The following LRRC7 variants were observed in gnomAD, a reference collection of about 807,000 sequenced individuals.
LRRC7 encodes leucine rich repeat containing 7.
A neutral mutation model predicts 175.7 loss-of-function variants in LRRC7; 23 were observed. That is an observed-to-expected ratio of 0.13 (90% CI 0.09 to 0.19). LRRC7 has a LOEUF of 0.19. Among genes scored for constraint, LRRC7 ranks in the 10% least tolerant of loss-of-function variants. The pLI is 1.00. For missense variants in LRRC7, 1,354 were observed against 1,904.7 expected, an observed-to-expected ratio of 0.71 and a Z score of 5.38; for synonymous variants, 685 against 680.9, an observed-to-expected ratio of 1.01 and a Z score of -0.09.
intron 7 of LRRC7, among the ~76,000 whole-genome samples, chr1:69,890,968 G>T (rs114890166): frequency 0.012 from 1,890 of 152,286 alleles, 34 homozygotes; most frequent in African/African-American, 0.042. Context: ...TGTTGTGGCT[G>T]GTTTGATCTT....
intron 2 of LRRC7, among the ~76,000 whole-genome samples, chr1:69,700,926 C>G (rs533506723): frequency 6.6e-6 from 1 of 152,286 alleles, no homozygotes; most frequent in South Asian, 2.1e-4. Flanking sequence ...TGTCAGACAA[C>G]CCGTCAGTAG....
At chr1:69,993,548 GAC>G (rs1180889872) in intron 10 of LRRC7, among the ~76,000 whole-genome samples, 1 of 151,904 alleles carries the variant, frequency 6.6e-6, no homozygotes, top group Non-Finnish European at 1.5e-5. Flanking sequence ...CACACACAAA[GAC>G]ACACACATGA....
At chr1:69,743,066 G>C (rs928389687) in intron 2 of LRRC7, among the ~76,000 whole-genome samples, 2 of 152,010 alleles carry the variant, frequency 1.3e-5, no homozygotes, top group Non-Finnish European at 2.9e-5. Flanking sequence ...GTAATGTCTA[G>C]TAAAGTATGA....
Position 70,142,858 on chromosome 1 carries a change from T to C in LRRC7, c.*20971T>C, listed in dbSNP as rs1019393823. 1.3e-5 allele frequency: 2 copies of C among 152,086 alleles called. No homozygotes were observed. Among genetic ancestry groups the C allele is most frequent in the Non-Finnish European group, 2.9e-5 (2 of 67,974 alleles). 9.4% of individuals were successfully genotyped at this position (152,086 alleles called of 1,614,324 possible). On this transcript the variant is annotated 3_prime_UTR_variant, in exon 27 of 27. Transcript: ENST00000651989. ...CAGTGGTAGGTTTTCAGATGGTTTGTTAAGAATTATATGTAAAAGGATACT... is the reference window on the plus strand; with the variant it reads ...CAGTGGTAGGTTTTCAGATGGTTTGCTAAGAATTATATGTAAAAGGATACT...
intron 17 of LRRC7, among the ~76,000 whole-genome samples, chr1:70,027,483 A>G (rs1017999494): frequency 6.6e-6 from 1 of 152,202 alleles, no homozygotes; most frequent in Admixed American, 6.5e-5. Context: ...TACCTAAAAT[A>G]TCTTAGAAAG....
chr1:69,891,771 T>C (rs1645841510), intron 7 of LRRC7, among the ~76,000 whole-genome samples: 1 of 151,822 alleles, frequency 6.6e-6, no homozygotes, highest in Non-Finnish European at 1.5e-5. Flanking sequence ...ATAAACATAA[T>C]AGATAAAACA....
intron 7 of LRRC7, among the ~76,000 whole-genome samples, chr1:69,882,280 T>A (rs1490752634): frequency 6.6e-6 from 1 of 152,082 alleles, no homozygotes; most frequent in East Asian, 1.9e-4. Flanking sequence ...TGTAAATTGG[T>A]ACAGCCATTA....
chr1:69,693,824 A>G (rs763319203), intron 2 of LRRC7, among the ~76,000 whole-genome samples: 4 of 152,196 alleles, frequency 2.6e-5, no homozygotes, highest in Non-Finnish European at 5.9e-5. Context: ...AATTGCTCCC[A>G]TAGTCAATCT....
intron 1 of LRRC7, among the ~76,000 whole-genome samples, chr1:69,625,546 C>A (rs1329009312): frequency 3.6e-5 from 5 of 138,784 alleles, no homozygotes; most frequent in Non-Finnish European, 8.0e-5. Context: ...TTCTTAAGAA[C>A]TGTAAATGAA....
chr1:69,968,333 T>G (rs1422881645), intron 8 of LRRC7, among the ~76,000 whole-genome samples: 1 of 152,096 alleles, frequency 6.6e-6, no homozygotes, highest in Non-Finnish European at 1.5e-5. Context: ...CTAAGAATAA[T>G]GTATTCCTGA....
In LRRC7 at chr1:69,568,582, C is replaced by G. The variant is rs1451497868; in HGVS notation, c.-58C>G. ...ACCCCTGAACACTTAAGGAATAACC[C>G]TTGGCAGCTGCACGACTACGCTCTC... is the stretch of plus-strand genomic sequence containing the variant. On this transcript the variant is annotated 5_prime_UTR_variant, in exon 1 of 27. Transcript: ENST00000651989. The G allele has an allele frequency of 2.2e-6, 3 of 1,343,710 alleles. No homozygotes were observed. Among genetic ancestry groups the G allele is most frequent in the East Asian group, 5.1e-5 (1 of 19,632 alleles). The allele number at this position is 1,343,710 out of a possible 1,614,324, so 83.2% of individuals were successfully genotyped here.
intron 1 of LRRC7, among the ~76,000 whole-genome samples, chr1:69,587,827 T>C (rs1435662183): frequency 1.3e-5 from 2 of 152,246 alleles, no homozygotes; most frequent in East Asian, 3.9e-4. Flanking sequence ...CCTTCACCTG[T>C]CTCCATGATT....
intron 4 of LRRC7, among the ~76,000 whole-genome samples, chr1:69,809,338 C>T (rs916320881): frequency 2.6e-5 from 4 of 152,122 alleles, no homozygotes; most frequent in African/African-American, 7.2e-5. Flanking sequence ...CAAATTCTAC[C>T]AGAGGTAAAA....
chr1:70,072,439 G>A (rs1247494842), intron 23 of LRRC7, among the ~76,000 whole-genome samples: 1 of 152,100 alleles, frequency 6.6e-6, no homozygotes, highest in Admixed American at 6.5e-5. Flanking sequence ...CAGTCCTTCT[G>A]AACCATTATT....
At chr1:69,571,835 A>C (rs1291401988) in intron 1 of LRRC7, among the ~76,000 whole-genome samples, 1 of 152,130 alleles carries the variant, frequency 6.6e-6, no homozygotes, top group Non-Finnish European at 1.5e-5. Context: ...TTATCATCTG[A>C]ATTATTTATG....
At chr1:69,940,022 T>C (rs1422916615) in intron 8 of LRRC7, among the ~76,000 whole-genome samples, 1 of 152,100 alleles carries the variant, frequency 6.6e-6, no homozygotes, top group African/African-American at 2.4e-5. Flanking sequence ...GACCAATAAA[T>C]ACATACGCAC....
intron 1 of LRRC7, among the ~76,000 whole-genome samples, chr1:69,633,692 G>A (rs2100390989): frequency 6.6e-6 from 1 of 152,156 alleles, no homozygotes; most frequent in African/African-American, 2.4e-5. Flanking sequence ...GCCTCCCAAA[G>A]TGCTGGGATT....
chr1:69,606,065 T>C (rs1647507160), intron 1 of LRRC7, among the ~76,000 whole-genome samples: 1 of 152,196 alleles, frequency 6.6e-6, no homozygotes, highest in African/African-American at 2.4e-5. Flanking sequence ...CGTATATGTT[T>C]ATACATGTCT....
chr1:69,608,276 T>G (rs1647967387), intron 1 of LRRC7: 1 of 152,148 alleles, frequency 6.6e-6, no homozygotes, highest in African/African-American at 2.4e-5. Flanking sequence ...CTGAAAGGGC[T>G]TTTTTAGGCA....
Sources: allele counts gnomAD v4.1 joint callset (sites outside exome capture counted in the v4.1 genomes callset), GRCh38; gene constraint gnomAD v4.1.1; transcripts MANE v1.5; gene names NCBI Gene and HGNC (gene_info 2026-07-23, HGNC 2026-07-21).